RAD51B: variants seen among roughly 807,000 people sequenced by gnomAD.
The protein encoded by RAD51B is RAD51 paralog B, also known as DNA repair protein RAD51 homolog 2.
A neutral mutation model predicts 42.2 loss-of-function variants in RAD51B; 38 were observed. The ratio of observed to expected loss-of-function variants is 0.90; its 90% CI spans 0.70 to 1.18. The LOEUF is 1.18. RAD51B is among the 50% of genes most tolerant of loss of function. The pLI, the probability that RAD51B is intolerant of heterozygous loss-of-function variation, is 0.00. For missense variants in RAD51B, 373 were observed against 400.7 expected (o/e 0.93, Z 0.59); for synonymous variants, 154 against 145.2 (o/e 1.06, Z -0.43).
At chr14:68,484,891 T>C (rs1471600508) in intron 10 of RAD51B, among the ~76,000 whole-genome samples, 4 of 152,220 alleles carry the variant, frequency 2.6e-5, no homozygotes. Flanking sequence ...AAACTTCAGT[T>C]TGCACATGGC....
At chr14:68,613,590 A>G (rs1192702181), downstream of RAD51B, among the ~76,000 whole-genome samples, 6 of 151,680 alleles carry the variant, frequency 4.0e-5, no homozygotes, top group South Asian at 1.2e-3. Flanking sequence ...AGTAGCTGGG[A>G]CTACAGGAGC....
chr14:68,225,051 TG>T lies in RAD51B; in HGVS notation c.757-66832del, dbSNP rs373472172. Among the ~76,000 whole-genome samples the T allele has an allele frequency of 4.1e-3, 623 of 152,278 alleles. 5 individuals carry two copies. Among genetic ancestry groups the T allele is most frequent in the African/African-American group, 0.014 (593 of 41,562 alleles). ...ATATTAAAAAATACAAGAGAAAGAA[TG>T]TTTGTTAAGAAAAAAATTTAGACAT... On this transcript the variant is annotated intron_variant, in intron 7 of 10. Coordinates refer to ENST00000471583, the MANE Select transcript of RAD51B (RefSeq NM_133510.4).
intron 9 of RAD51B, among the ~76,000 whole-genome samples, chr14:68,419,923 C>T (rs1197972307): frequency 6.6e-6 from 1 of 152,184 alleles, no homozygotes; most frequent in Admixed American, 6.5e-5. Flanking sequence ...GGTTCTTGTG[C>T]ACCAGGTGAT....
At chr14:68,034,607 G>C (rs1212781113) in intron 7 of RAD51B, among the ~76,000 whole-genome samples, 3 of 152,116 alleles carry the variant, frequency 2.0e-5, no homozygotes, top group African/African-American at 4.8e-5. Context: ...ATGTTGAAAA[G>C]ATAGTTTATT....
chr14:68,440,988 G>A (rs943955773), intron 9 of RAD51B, among the ~76,000 whole-genome samples: 1 of 152,140 alleles, frequency 6.6e-6, no homozygotes, highest in Non-Finnish European at 1.5e-5. Flanking sequence ...GTTGTTTGAT[G>A]ACTCATAGAA....
chr14:68,274,952 C>T (rs868656728), intron 7 of RAD51B, among the ~76,000 whole-genome samples: 7 of 152,248 alleles, frequency 4.6e-5, no homozygotes, highest in African/African-American at 1.4e-4. Flanking sequence ...TTTATCATGT[C>T]ACAAGGCAAT....
At chr14:68,204,916 T>C (rs1426368969) in intron 7 of RAD51B, among the ~76,000 whole-genome samples, 2 of 152,154 alleles carry the variant, frequency 1.3e-5, no homozygotes, top group African/African-American at 4.8e-5. Flanking sequence ...AATGGGGAAA[T>C]ACTCATGATA....
At chr14:68,032,190 C>T (rs1300690695) in intron 7 of RAD51B, among the ~76,000 whole-genome samples, 3 of 152,148 alleles carry the variant, frequency 2.0e-5, no homozygotes, top group Non-Finnish European at 4.4e-5. Flanking sequence ...AAGTGCTAAG[C>T]ATAGCAGGTA....
At chr14:68,334,703 G>A (rs1471705917) in intron 8 of RAD51B, among the ~76,000 whole-genome samples, 1 of 151,948 alleles carries the variant, frequency 6.6e-6, no homozygotes, top group Non-Finnish European at 1.5e-5. Flanking sequence ...ATTGTGAATA[G>A]TGCTTCCATA....
At chr14:68,410,591 C>T (rs948151203) in intron 8 of RAD51B, among the ~76,000 whole-genome samples, 5 of 151,362 alleles carry the variant, frequency 3.3e-5, no homozygotes, top group South Asian at 2.1e-4. Context: ...GAGGAGGCCT[C>T]GGGCACAGGG....
Position 68,495,062 on chromosome 14 carries a change from G to A in RAD51B, c.1036+26812G>A, listed in dbSNP as rs529205089. On this transcript the variant is annotated intron_variant, in intron 10 of 10. Coordinates refer to the RAD51B transcript ENST00000487270. Reference sequence around the variant, plus strand: ...CTGCAAGGTGAACGGCCAGAGTCGGGATCTTCTATTCAGGCAGAGATTATA... The same window carrying A: ...CTGCAAGGTGAACGGCCAGAGTCGGAATCTTCTATTCAGGCAGAGATTATA... Among the ~76,000 whole-genome samples, 5 of 152,294 alleles carry A rather than the reference G, an allele frequency of 3.3e-5. No homozygotes were observed. In the South Asian group the frequency reaches 1.0e-3, roughly 32 times the overall value.
At chr14:68,625,686 T>C (rs1391165681) in intron 10 of RAD51B, among the ~76,000 whole-genome samples, 1 of 152,204 alleles carries the variant, frequency 6.6e-6, no homozygotes, top group Non-Finnish European at 1.5e-5. Context: ...GACCCTAGCA[T>C]GTTAAACATC....
At chr14:68,052,372 C>T in intron 7 of RAD51B, among the ~76,000 whole-genome samples, 1 of 146,002 alleles carries the variant, frequency 6.8e-6, no homozygotes, top group Admixed American at 6.9e-5. Flanking sequence ...GGTATATTTA[C>T]TTTTTTTTTT....
At chr14:67,986,305 T>C (rs1239867770) in intron 7 of RAD51B, among the ~76,000 whole-genome samples, 1 of 152,316 alleles carries the variant, frequency 6.6e-6, no homozygotes, top group South Asian at 2.1e-4. Context: ...GAAGAACATA[T>C]CAGATTAATT....
intron 7 of RAD51B, among the ~76,000 whole-genome samples, chr14:68,261,168 T>C (rs2080881166): frequency 6.6e-6 from 1 of 152,254 alleles, no homozygotes; most frequent in Non-Finnish European, 1.5e-5. Flanking sequence ...CATTTTGAAA[T>C]TGGGCATCTT....
At chr14:68,120,710 C>T (rs746383041) in intron 7 of RAD51B, among the ~76,000 whole-genome samples, 1 of 151,950 alleles carries the variant, frequency 6.6e-6, no homozygotes, top group African/African-American at 2.4e-5. Flanking sequence ...AAGTAAGGGT[C>T]CTCATTTAAT....
intron 7 of RAD51B, chr14:68,125,226 A>G (rs1358322177): frequency 6.6e-6 from 1 of 152,228 alleles, no homozygotes; most frequent in African/African-American, 2.4e-5. Context: ...GCAAGTGGAA[A>G]TGCAGAATCT....
chr14:68,499,367 C>G (rs1369311655), intron 10 of RAD51B, among the ~76,000 whole-genome samples: 1 of 152,168 alleles, frequency 6.6e-6, no homozygotes, highest in Non-Finnish European at 1.5e-5. Flanking sequence ...ATCATGACCC[C>G]TCCTTGAGAC....
At chr14:68,256,074 G>A (rs911150135) in intron 7 of RAD51B, among the ~76,000 whole-genome samples, 1 of 152,162 alleles carries the variant, frequency 6.6e-6, no homozygotes, top group African/African-American at 2.4e-5. Context: ...ATATTATACT[G>A]TGGTCAGTGG....
Sources: gnomAD v4.1 joint callset for allele counts (sites outside exome capture counted in the v4.1 genomes callset) on GRCh38, gnomAD v4.1.1 for gene constraint, MANE v1.5 for transcripts, NCBI Gene and HGNC (gene_info 2026-07-23, HGNC 2026-07-21) for gene names.